Variants in ECSCR observed in about 807,000 individuals in gnomAD.
ECSCR encodes endothelial cell-specific chemotaxis regulator.
ECSCR carries 12 observed loss-of-function variants against 16.7 expected under a neutral mutation model. The ratio of observed to expected loss-of-function variants is 0.72; its 90% confidence interval spans 0.46 to 1.17. The LOEUF (loss-of-function observed/expected upper bound fraction) is 1.17, where lower values mean the gene tolerates loss of function less well. ECSCR is among the 50% of genes most tolerant of loss of function. The probability of loss-of-function intolerance (pLI) is 0.00; values close to 1 mark genes in which losing one functional copy is unlikely to be tolerated. For missense variants in ECSCR, 122 were observed against 116.1 expected (o/e 1.05, Z -0.23); for synonymous variants, 44 against 42.2 (o/e 1.04, Z -0.17).
Position 139,448,608 on chromosome 5 carries a change from C to A in ECSCR, c.*292G>T. On this transcript the variant is annotated 3_prime_UTR_variant, in exon 10 of 10. Coordinates refer to ENST00000618155, the MANE Select transcript of ECSCR (RefSeq NM_001077693.4). Reference sequence around the variant, plus strand: ...TGCAAAGTAGAAAGTATCAATCCACCTCATCACTTTCCTTGCTCTCTCTCT... The same window carrying A: ...TGCAAAGTAGAAAGTATCAATCCACATCATCACTTTCCTTGCTCTCTCTCT... 1 of 693,794 alleles carries A rather than the reference C, an allele frequency of 1.4e-6. No individual in the cohort carries two copies. The allele number at this position is 693,794 out of a possible 1,614,324, so 43.0% of individuals were successfully genotyped here.
chr5:139,462,509 C>T, intron 1 of ECSCR, 101 bp downstream of exon 1: 1 of 1,230,884 alleles, frequency 8.1e-7, no homozygotes, highest in Non-Finnish European at 1.2e-6. Flanking sequence ...CTGGGCACAG[C>T]CCCTGGATGG....
intron 8 of ECSCR, among the ~76,000 whole-genome samples, chr5:139,449,941 G>A (rs1751001211): frequency 6.6e-6 from 1 of 151,208 alleles, no homozygotes; most frequent in South Asian, 2.1e-4. Flanking sequence ...TGTCACCCAG[G>A]CTGGAGTGCA....
chr5:139,449,208 G>C, intron 8 of ECSCR, 34 bp from the exon 9 acceptor site: 1 of 1,486,118 alleles, frequency 6.7e-7, no homozygotes, highest in Non-Finnish European at 9.1e-7. Flanking sequence ...TTAAAGAGAG[G>C]AGGAGGGCAG....
intron 8 of ECSCR, among the ~76,000 whole-genome samples, chr5:139,451,767 G>A (rs1751055335): frequency 6.8e-6 from 1 of 146,960 alleles, no homozygotes; most frequent in African/African-American, 2.5e-5. Flanking sequence ...GGGAGGGTGG[G>A]TGTGTATAGT....
Position 139,456,476 on chromosome 5 carries a change from C to T in ECSCR, c.260G>A (p.Arg87Lys), listed in dbSNP as rs1751160927. ...AGGGCGAGTGCAGCAGGACATACCT[C>T]TGCTTGTGCCTCCGTCTCTTCCACT... ...PSSGRDGGTS[R>K]DTFQTVPPNS... Residue 87 changes from arginine to lysine, a missense_variant and splice_region_variant, in exon 5 of 10, where the codon AGA (arginine) becomes AAA (lysine). Transcript: ENST00000618155. The T allele has an allele frequency of 2.5e-6, 1 of 398,680 alleles. No homozygotes were observed. The highest frequency in any genetic ancestry group is 4.4e-6 in the Non-Finnish European group (1 of 226,092). 24.7% of individuals were successfully genotyped at this position (398,680 alleles called of 1,614,324 possible).
intron 1 of ECSCR, among the ~76,000 whole-genome samples, chr5:139,458,500 C>CAA (rs397882364): frequency 1.9e-3 from 166 of 85,330 alleles, no homozygotes; most frequent in East Asian, 4.0e-3. Context: ...CCTATCTCAA[C>CAA]AAAAAAAAAA....
Position 139,457,764 on chromosome 5 carries a change from G to A in ECSCR, c.150C>T (p.Ser50=). 6.2e-7 allele frequency: 1 copy of A among 1,612,720 alleles called. No individual in the cohort carries two copies. ...GCAACCACACTCACTCACCTGGGTT[G>A]GAAGAAACTGGCTCTGTGGTCAGAC... is the stretch of plus-strand genomic sequence containing the variant. ...GLSLTTEPVS[S]NPGYIPSSEA... is the part of the protein sequence containing the mutation. Residue 50 remains serine, a synonymous_variant, in exon 3 of 10, where the codon TCC becomes TCT. Coordinates refer to ENST00000618155, the MANE Select transcript of ECSCR (RefSeq NM_001077693.4).
At chr5:139,455,948 C>T (rs1435026481) in intron 5 of ECSCR, among the ~76,000 whole-genome samples, 1 of 151,556 alleles carries the variant, frequency 6.6e-6, no homozygotes, top group African/African-American at 2.4e-5. Context: ...ATGGTGAAAT[C>T]CCATCTCTAC....
intron 2 of ECSCR, 92 bp from the exon 3 acceptor site, chr5:139,457,899 AC>A: frequency 1.4e-6 from 2 of 1,391,008 alleles, no homozygotes; most frequent in Non-Finnish European, 2.0e-6. Flanking sequence ...CTTTCTCCCT[AC>A]CCCATCCCCC....
chr5:139,462,525 A>T, intron 1 of ECSCR, 85 bp downstream of exon 1: 1 of 1,357,434 alleles, frequency 7.4e-7, no homozygotes, highest in Non-Finnish European at 1.0e-6. Flanking sequence ...GATGGAAAGC[A>T]TGTGTCTCCT....
chr5:139,452,359 TGTGTGTGATGTGAGGCCTGTGCTGTA>T (rs1751080339), intron 8 of ECSCR, among the ~76,000 whole-genome samples: 2 of 146,786 alleles, frequency 1.4e-5, no homozygotes, highest in Admixed American at 6.7e-5. Flanking sequence ...TGGGGTGTGG[TGTGTGTGATGTGAGGCCTGTGCTGTA>T]TTTGAGGTGT....
Position 139,456,366 on chromosome 5 carries a change from A to G in ECSCR, c.262+108T>C, listed in dbSNP as rs2152089316. The G allele has an allele frequency of 1.0e-4, 41 of 394,738 alleles. No individual in the cohort carries two copies. The East Asian group carries it at 1.5e-3, about 14-fold the overall frequency. The allele number at this position is 394,738 out of a possible 1,614,324, so 24.5% of individuals were successfully genotyped here. A position where few individuals can be genotyped will look rare whatever the true frequency, so the allele number is the denominator to read the frequency against. The stretch of plus-strand genomic sequence containing the variant: ...ATCTCTCCTCACTTCCCCTTCCCAA[A>G]TAAGTCTGGGAGAATAAAAAAATCT... On this transcript the variant is annotated intron_variant, in intron 5 of 9. Coordinates refer to ENST00000618155, the MANE Select transcript of ECSCR (RefSeq NM_001077693.4).
chr5:139,460,587 C>T (rs1751277255), intron 1 of ECSCR, among the ~76,000 whole-genome samples: 1 of 152,146 alleles, frequency 6.6e-6, no homozygotes, highest in Non-Finnish European at 1.5e-5. Context: ...CAAGACCCTG[C>T]TCTTTCTTTG....
chr5:139,454,525 T>C (rs1751115553), intron 8 of ECSCR, 77 bp downstream of exon 8: 1 of 397,756 alleles, frequency 2.5e-6, no homozygotes, highest in African/African-American at 2.1e-5. Context: ...TGTGTGGGTG[T>C]GGAAGGCAGG....
Position 139,449,080 on chromosome 5 carries a change from T to C in ECSCR, c.607A>G (p.Lys203Glu). The part of the protein sequence containing the change: ...NNGKQSLSAE[K>E]VL ...AGGCAGGAAACAGAAAAATGTACCT[T>C]CTCTGCTGAGAGACTTTGTTTGCCA... Residue 203 changes from lysine (K) to glutamate (E), a missense_variant and splice_region_variant, in exon 9 of 10, where the codon AAG becomes GAG. Transcript: ENST00000618155. The C allele has an allele frequency of 6.5e-7, 1 of 1,537,026 alleles. No homozygotes were observed. The highest frequency in any genetic ancestry group is 8.7e-7 in the Non-Finnish European group (1 of 1,146,734).
Position 139,448,814 on chromosome 5 carries a change from A to G in ECSCR, c.*86T>C. ...CAATAAAATAATTTACATGTGGTTC[A>G]TTGCCTCTACTAATTCCATCTCTTC... On this transcript the variant is annotated 3_prime_UTR_variant, in exon 10 of 10. Transcript: ENST00000618155. 6.6e-7 allele frequency: 1 copy of G among 1,525,150 alleles called. No homozygotes were observed. Among genetic ancestry groups the G allele is most frequent in the East Asian group, 2.4e-5 (1 of 40,840 alleles). The allele number at this position is 1,525,150 out of a possible 1,614,324, so 94.5% of individuals were successfully genotyped here.
intron 8 of ECSCR, 81 bp from the exon 9 acceptor site, chr5:139,449,255 C>G (rs1279754744): frequency 2.9e-6 from 3 of 1,022,222 alleles, no homozygotes; most frequent in East Asian, 5.2e-5. Context: ...GGTTGTTGAG[C>G]CTTAGACCTT....
chr5:139,456,216 T>A (rs925301575), intron 5 of ECSCR, among the ~76,000 whole-genome samples: 6 of 152,106 alleles, frequency 3.9e-5, no homozygotes, highest in Non-Finnish European at 5.9e-5. Context: ...AGAGCCGGGA[T>A]CGCACCGCTG....
Position 139,448,664 on chromosome 5 carries a change from G to T in ECSCR, c.*236C>A. 1 of 1,284,434 alleles carries T rather than the reference G, an allele frequency of 7.8e-7. No homozygotes were observed. Among genetic ancestry groups the T allele is most frequent in the Non-Finnish European group, 1.0e-6 (1 of 980,670 alleles). 79.6% of individuals were successfully genotyped at this position (1,284,434 alleles called of 1,614,324 possible). On this transcript the variant is annotated 3_prime_UTR_variant, in exon 10 of 10. Coordinates refer to ENST00000618155, the MANE Select transcript of ECSCR (RefSeq NM_001077693.4). ...CTCCTCTTTCCTGTGGCTCTGAGGA[G>T]GTGGGAGAAGCAGGCAGTATTTCCA...
Sources: allele counts gnomAD v4.1 joint callset (sites outside exome capture counted in the v4.1 genomes callset), GRCh38; gene constraint gnomAD v4.1.1; transcripts MANE v1.5; gene names NCBI Gene and HGNC (gene_info 2026-07-23, HGNC 2026-07-21).